Variants in DESI2 observed in about 807,000 individuals in gnomAD.
DESI2 encodes deubiquitinase DESI2.
A neutral mutation model predicts 24.1 loss-of-function variants in DESI2; 10 were observed. The observed-to-expected ratio is 0.41, with a 90% CI of 0.26 to 0.70. The LOEUF (loss-of-function observed/expected upper bound fraction) is 0.70, where lower values mean the gene tolerates loss of function less well. DESI2 is among the 30% of genes least tolerant of loss of function. DESI2 has a pLI of 0.29. For missense variants in DESI2, 122 were observed against 234.9 expected (o/e 0.52, Z 3.14); for synonymous variants, 71 against 87.7 (o/e 0.81, Z 1.06).
rs547763764 is a variant in DESI2 at position 244,689,068 on chromosome 1, C to G, written c.116-181C>G. On this transcript the variant is annotated intron_variant, in intron 2 of 4. Transcript: ENST00000302550. The surrounding 1 kb of genome is among the most constrained non-coding windows in gnomAD (Gnocchi z 4.0). ...TGAGTGTCTTCTGTTATTTGAGTTT[C>G]GGGTCTTTTGTGACAACTGTTTATA... 9.2e-5 allele frequency among the ~76,000 whole-genome samples: 14 copies of G among 152,104 alleles called. No homozygotes were observed. Among genetic ancestry groups the G allele is most frequent in the African/African-American group, 3.4e-4 (14 of 41,410 alleles).
intron 1 of DESI2, among the ~76,000 whole-genome samples, chr1:244,654,273 C>A (rs912262248): frequency 1.4e-4 from 21 of 152,156 alleles, no homozygotes; most frequent in African/African-American, 5.1e-4. Flanking sequence ...TGGATTAGTA[C>A]CTCTGACTGC....
chr1:244,673,576 G>A (rs1040883639), intron 1 of DESI2, among the ~76,000 whole-genome samples: 2 of 152,138 alleles, frequency 1.3e-5, no homozygotes, highest in Non-Finnish European at 2.9e-5. Context: ...CTATTTAAAG[G>A]TTTTTGATTG....
chr1:244,658,513 T>A (rs963070218), intron 1 of DESI2, among the ~76,000 whole-genome samples: 1 of 152,178 alleles, frequency 6.6e-6, no homozygotes, highest in Non-Finnish European at 1.5e-5. Flanking sequence ...CATTACTGCG[T>A]ATACTATCCC....
rs1269973312 is a variant in DESI2 at position 244,708,652 on chromosome 1, C to T, written c.*2863C>T. ...TGTGTGTCTCCTTATGACTCCATTT[C>T]TGTAAGCTACTCTGTAACTTTGATA... On this transcript the variant is annotated 3_prime_UTR_variant, in exon 5 of 5. Transcript: ENST00000302550. 3.3e-5 allele frequency: 5 copies of T among 152,640 alleles called. No individual in the cohort carries two copies. The highest frequency in any genetic ancestry group is 1.2e-4 in the African/African-American group (5 of 41,458). 9.5% of individuals were successfully genotyped at this position (152,640 alleles called of 1,614,324 possible).
chr1:244,700,169 T>C (rs1677391255), intron 4 of DESI2, among the ~76,000 whole-genome samples: 2 of 152,218 alleles, frequency 1.3e-5, no homozygotes, highest in African/African-American at 2.4e-5. Flanking sequence ...AAGTCCTACC[T>C]GTGAATACAG....
rs944535728 is a variant in DESI2 at position 244,689,670 on chromosome 1, C to G, written c.209+328C>G. On this transcript the variant is annotated intron_variant, in intron 3 of 4. Transcript: ENST00000302550. This position sits in a 1 kb window ranked among gnomAD's most constrained non-coding sequence, Gnocchi z 4.0. ...GATTACAGGCGTGCACCACGACGTCCGGCTAATTTTTGTATTTTTAGTAGA... is the reference window on the plus strand; with the variant it reads ...GATTACAGGCGTGCACCACGACGTCGGGCTAATTTTTGTATTTTTAGTAGA... Among the ~76,000 whole-genome samples, 2 of 152,078 alleles carry G rather than the reference C, an allele frequency of 1.3e-5. No individual in the cohort carries two copies. Among genetic ancestry groups the G allele is most frequent in the Non-Finnish European group, 2.9e-5 (2 of 68,010 alleles).
chr1:244,653,305 G>A lies in DESI2; in HGVS notation c.-9G>A. 1 of 1,495,386 alleles carries A rather than the reference G, an allele frequency of 6.7e-7. No individual in the cohort carries two copies. The highest frequency in any genetic ancestry group is 2.7e-5 in the East Asian group (1 of 36,528). The allele number at this position is 1,495,386 out of a possible 1,614,324, so 92.6% of individuals were successfully genotyped here. ...GCTTGAGGACGAGGCGGCGGCCGCG[G>A]GGAGGAGGATGGGGGCTAACCAGTT... On this transcript the variant is annotated 5_prime_UTR_variant, in exon 1 of 5. Coordinates refer to ENST00000302550, the MANE Select transcript of DESI2 (RefSeq NM_016076.5).
chr1:244,657,424 A>G (rs553889398), intron 1 of DESI2, among the ~76,000 whole-genome samples: 1 of 152,312 alleles, frequency 6.6e-6, no homozygotes, highest in Non-Finnish European at 1.5e-5. Flanking sequence ...CCACTGCCCA[A>G]AAAGCCACCA....
intron 1 of DESI2, among the ~76,000 whole-genome samples, chr1:244,661,013 G>T (rs1675821156): frequency 6.6e-6 from 1 of 151,912 alleles, no homozygotes; most frequent in African/African-American, 2.4e-5. Flanking sequence ...ATAGGTTTTT[G>T]TTTTGTTTTA....
At chr1:244,667,896 G>A (rs1168069191) in intron 1 of DESI2, among the ~76,000 whole-genome samples, 2 of 152,202 alleles carry the variant, frequency 1.3e-5, no homozygotes, top group African/African-American at 4.8e-5. Context: ...CTGAAGCGTA[G>A]TCACTCATTG....
At chr1:244,692,784 A>G (rs1197877385) in intron 4 of DESI2, among the ~76,000 whole-genome samples, 1 of 152,126 alleles carries the variant, frequency 6.6e-6, no homozygotes, top group Admixed American at 6.5e-5. Flanking sequence ...GACTGTTACC[A>G]TGCTACTCAA....
rs142244125 is a variant in DESI2 at position 244,670,601 on chromosome 1, G to A, written c.43-15996G>A. Among the ~76,000 whole-genome samples the A allele has an allele frequency of 3.0e-3, 450 of 152,016 alleles. 3 individuals carry two copies. Among genetic ancestry groups the A allele is most frequent in the African/African-American group, 0.01 (434 of 41,472 alleles). ...TCATAACAGTCCTCTGAGGTAGATTGTATTTGTTATCCCCATTTTGTAAGT... is the reference window on the plus strand; with the variant it reads ...TCATAACAGTCCTCTGAGGTAGATTATATTTGTTATCCCCATTTTGTAAGT... On this transcript the variant is annotated intron_variant, in intron 1 of 4. Transcript: ENST00000302550.
At chr1:244,654,247 T>C (rs1293690496) in intron 1 of DESI2, among the ~76,000 whole-genome samples, 1 of 152,184 alleles carries the variant, frequency 6.6e-6, no homozygotes, top group African/African-American at 2.4e-5. Context: ...GTAGAATGGG[T>C]TTTTGTTCTG....
chr1:244,683,563 A>G lies in DESI2; in HGVS notation c.43-3034A>G, dbSNP rs190108402. Among the ~76,000 whole-genome samples, 549 of 152,220 alleles carry G rather than the reference A, an allele frequency of 3.6e-3. 2 individuals carry two copies. Among genetic ancestry groups the G allele is most frequent in the African/African-American group, 0.011 (463 of 41,526 alleles). ...CCTGACCTTGTGATCCGCCCACCTC[A>G]GCCTCCCAAAGTGCTGGGATTACAG... On this transcript the variant is annotated intron_variant, in intron 1 of 4. Coordinates refer to ENST00000302550, the MANE Select transcript of DESI2 (RefSeq NM_016076.5).
chr1:244,684,424 T>C (rs1044019102), intron 1 of DESI2, among the ~76,000 whole-genome samples: 2 of 152,234 alleles, frequency 1.3e-5, no homozygotes, highest in African/African-American at 4.8e-5. Flanking sequence ...GACCTTTCTT[T>C]TGTTGCAATT....
At chr1:244,670,261 A>G (rs547787702) in intron 1 of DESI2, among the ~76,000 whole-genome samples, 1 of 152,320 alleles carries the variant, frequency 6.6e-6, no homozygotes, top group South Asian at 2.1e-4. Flanking sequence ...CCGGCAGAAT[A>G]TAAATAATTC....
At position 244,707,012 on chromosome 1, in the gene DESI2, T is replaced by C. The variant is rs754338885; in HGVS notation, c.*1223T>C. On this transcript the variant is annotated 3_prime_UTR_variant, in exon 5 of 5. Transcript: ENST00000302550. Reference sequence around the variant, plus strand: ...TTAGCAAGGAATCTGTCTGCTCCAGTCTACTCCTAGTTTGATCCTTGGATG... The same window carrying C: ...TTAGCAAGGAATCTGTCTGCTCCAGCCTACTCCTAGTTTGATCCTTGGATG... 3.9e-5 allele frequency: 6 copies of C among 152,674 alleles called. No individual in the cohort carries two copies. Among genetic ancestry groups the C allele is most frequent in the Admixed American group, 1.3e-4 (2 of 15,286 alleles). 9.5% of individuals were successfully genotyped at this position (152,674 alleles called of 1,614,324 possible).
intron 2 of DESI2, among the ~76,000 whole-genome samples, chr1:244,687,018 G>T (rs1403768093): frequency 6.6e-6 from 1 of 151,994 alleles, no homozygotes; most frequent in East Asian, 1.9e-4. Context: ...CTTGCATTTC[G>T]AAAATAGCAT....
intron 1 of DESI2, among the ~76,000 whole-genome samples, chr1:244,680,273 C>G (rs1179639485): frequency 6.6e-6 from 1 of 152,002 alleles, no homozygotes; most frequent in Admixed American, 6.6e-5. Flanking sequence ...CATGATGAAA[C>G]CCTGTCTGTA....
Sources: allele counts gnomAD v4.1 joint callset (sites outside exome capture counted in the v4.1 genomes callset), GRCh38; gene constraint gnomAD v4.1.1; non-coding constraint Gnocchi (gnomAD v3.1); transcripts MANE v1.5; gene names NCBI Gene and HGNC (gene_info 2026-07-23, HGNC 2026-07-21).